The following TMCO4 variants were observed in gnomAD, a reference collection of about 807,000 sequenced individuals.
TMCO4 encodes the protein transmembrane and coiled-coil domains 4.
In TMCO4, 58 loss-of-function variants were observed where a neutral mutation model predicts 64.7. That is an observed-to-expected ratio of 0.90 (90% CI 0.73 to 1.12). TMCO4 has a LOEUF of 1.12. TMCO4 is among the 50% of genes most tolerant of loss of function. TMCO4 has a pLI of 0.00. For missense variants in TMCO4, 780 were observed against 825.9 expected, an observed-to-expected ratio of 0.94 and a Z score of 0.68; for synonymous variants, 325 against 346.1, an observed-to-expected ratio of 0.94 and a Z score of 0.68.
At chr1:19,725,299 A>G (rs1454359418) in intron 13 of TMCO4, among the ~76,000 whole-genome samples, 1 of 152,224 alleles carries the variant, frequency 6.6e-6, no homozygotes, top group Admixed American at 6.5e-5. Flanking sequence ...GGTCACAGGC[A>G]ATATGCAATA....
intron 2 of TMCO4, among the ~76,000 whole-genome samples, chr1:19,789,485 T>C (rs2043919313): frequency 6.6e-6 from 1 of 152,232 alleles, no homozygotes; most frequent in South Asian, 2.1e-4. Context: ...AAAATGTTTA[T>C]GATCATTGTC....
At chr1:19,764,165 A>G (rs534029097) in intron 6 of TMCO4, among the ~76,000 whole-genome samples, 2 of 152,292 alleles carry the variant, frequency 1.3e-5, no homozygotes, top group African/African-American at 4.8e-5. Flanking sequence ...ACCCTCTTAA[A>G]GTCAGCTTCA....
intron 3 of TMCO4, 113 bp downstream of exon 3, chr1:19,786,913 T>C (rs1385504170): frequency 2.0e-5 from 3 of 152,140 alleles, no homozygotes; most frequent in Admixed American, 1.3e-4. Context: ...TAAAGACCCC[T>C]TAATTGGGAG....
chr1:19,711,515 G>T (rs1001057807), intron 13 of TMCO4, among the ~76,000 whole-genome samples: 1 of 152,208 alleles, frequency 6.6e-6, no homozygotes, highest in Non-Finnish European at 1.5e-5. Flanking sequence ...TTCAGACAGG[G>T]TCTCGCTCTG....
At chr1:19,733,527 C>T (rs2095439350) in intron 13 of TMCO4, among the ~76,000 whole-genome samples, 1 of 152,164 alleles carries the variant, frequency 6.6e-6, no homozygotes, top group Non-Finnish European at 1.5e-5. Context: ...AGAAACAGGG[C>T]CCCTGCCCAC....
intron 3 of TMCO4, among the ~76,000 whole-genome samples, chr1:19,783,985 A>G (rs181884135): frequency 6.6e-6 from 1 of 152,376 alleles, no homozygotes; most frequent in East Asian, 1.9e-4. Context: ...AACTAAGGGC[A>G]GTGCCAAGGG....
intron 13 of TMCO4, among the ~76,000 whole-genome samples, chr1:19,727,244 G>C (rs1299532007): frequency 6.6e-6 from 1 of 152,184 alleles, no homozygotes; most frequent in Non-Finnish European, 1.5e-5. Context: ...TCCATGTTAG[G>C]ACAGGACGTG....
At chr1:19,698,847 C>T (rs866085652) in intron 14 of TMCO4, among the ~76,000 whole-genome samples, 1 of 152,326 alleles carries the variant, frequency 6.6e-6, no homozygotes, top group African/African-American at 2.4e-5. Flanking sequence ...TGCTGTGTTC[C>T]CACTGCACAC....
chr1:19,724,988 C>T (rs1359812925), intron 13 of TMCO4, among the ~76,000 whole-genome samples: 2 of 152,158 alleles, frequency 1.3e-5, no homozygotes, highest in Non-Finnish European at 2.9e-5. Context: ...TCTCAATCTC[C>T]TGACCTCGTG....
At chr1:19,797,578 T>C (rs772375221) in intron 2 of TMCO4, among the ~76,000 whole-genome samples, 2 of 151,894 alleles carry the variant, frequency 1.3e-5, no homozygotes, top group African/African-American at 2.4e-5. Context: ...CTTAAGAAAG[T>C]GGGAAGCCAA....
chr1:19,727,053 G>T (rs61768293), intron 13 of TMCO4, among the ~76,000 whole-genome samples: 15,675 of 152,138 alleles, frequency 0.1, 870 homozygotes, highest in African/African-American at 0.15. Flanking sequence ...TGGTAGAGCT[G>T]GTGGGTTCAG....
At chr1:19,722,164 G>A (rs2095387719) in intron 13 of TMCO4, among the ~76,000 whole-genome samples, 2 of 152,178 alleles carry the variant, frequency 1.3e-5, no homozygotes, top group African/African-American at 4.8e-5. Context: ...ACAGTGTGGA[G>A]GTTTGTTTGA....
chr1:19,700,746 C>T, intron 14 of TMCO4, 22 bp downstream of exon 14: 1 of 1,599,834 alleles, frequency 6.3e-7, no homozygotes, highest in Non-Finnish European at 8.6e-7. Context: ...CACTTCCCCG[C>T]TGGCACGAGG....
At chr1:19,690,570 G>C (rs2095185054) in intron 15 of TMCO4, among the ~76,000 whole-genome samples, 1 of 152,206 alleles carries the variant, frequency 6.6e-6, no homozygotes, top group Admixed American at 6.5e-5. Flanking sequence ...TCCTGCAAGG[G>C]GCTGAGTGTG....
chr1:19,780,562 C>A lies in TMCO4; in HGVS notation c.179+18G>T, dbSNP rs202042831. On this transcript the variant is annotated intron_variant, in intron 4 of 15. Coordinates refer to ENST00000294543, the MANE Select transcript of TMCO4 (RefSeq NM_181719.7). ...CTGAAGAAGCATGACCTTCCCACTG[C>A]AAGACAGAAGAACTCACCTGTGTTC... 394 of 1,573,408 alleles carry A rather than the reference C, an allele frequency of 2.5e-4. 2 individuals are homozygous for A. The highest frequency in any genetic ancestry group is 5.1e-4 in the Middle Eastern group (3 of 5,904).
intron 4 of TMCO4, among the ~76,000 whole-genome samples, chr1:19,779,109 T>C (rs1022267949): frequency 4.6e-5 from 7 of 152,178 alleles, no homozygotes; most frequent in Admixed American, 1.3e-4. Flanking sequence ...GAAGGAAGTT[T>C]ACTCATGGGG....
intron 7 of TMCO4, among the ~76,000 whole-genome samples, chr1:19,753,943 C>G (rs1199394188): frequency 6.6e-6 from 1 of 152,168 alleles, no homozygotes; most frequent in Non-Finnish European, 1.5e-5. Context: ...TTGTTAACAA[C>G]AGCAAATAAT....
chr1:19,713,709 T>TCAA (rs532380283), intron 13 of TMCO4, among the ~76,000 whole-genome samples: 399 of 151,034 alleles, frequency 2.6e-3, no homozygotes, highest in Middle Eastern at 0.017. Flanking sequence ...TAAAAATATA[T>TCAA]CAACAACAAC....
chr1:19,782,070 G>C (rs1395639478), intron 3 of TMCO4, among the ~76,000 whole-genome samples: 1 of 152,180 alleles, frequency 6.6e-6, no homozygotes, highest in African/African-American at 2.4e-5. Context: ...TTCCACTCCT[G>C]AGAAATGAGG....
Sources: gnomAD v4.1 joint callset for allele counts (sites outside exome capture counted in the v4.1 genomes callset) on GRCh38, gnomAD v4.1.1 for gene constraint, MANE v1.5 for transcripts, NCBI Gene and HGNC (gene_info 2026-07-23, HGNC 2026-07-21) for gene names.